RERE: variants seen among roughly 807,000 people sequenced by gnomAD.
The protein encoded by RERE is arginine-glutamic acid dipeptide repeats protein.
A neutral mutation model predicts 146.1 loss-of-function variants in RERE; 40 were observed. The ratio of observed to expected loss-of-function variants is 0.27; its 90% CI spans 0.21 to 0.36. The LOEUF (loss-of-function observed/expected upper bound fraction) is 0.36, where lower values mean the gene tolerates loss of function less well. Ranked by LOEUF, RERE falls within the 10% of genes least tolerant of loss-of-function variation. The pLI is 1.00. For missense variants in RERE, 1,933 were observed against 2,138.7 expected (o/e 0.90, Z 1.90); for synonymous variants, 1,003 against 866.0 (o/e 1.16, Z -2.78).
intron 8 of RERE, among the ~76,000 whole-genome samples, chr1:8,499,894 C>G (rs1645106757): frequency 6.6e-6 from 1 of 152,096 alleles, no homozygotes; most frequent in Non-Finnish European, 1.5e-5. Flanking sequence ...CCGAGGCGGG[C>G]AGATCACCTG....
At chr1:8,399,070 T>C (rs1643157823) in intron 12 of RERE, among the ~76,000 whole-genome samples, 1 of 152,114 alleles carries the variant, frequency 6.6e-6, no homozygotes, top group Non-Finnish European at 1.5e-5. Flanking sequence ...TTCACCCATT[T>C]TTCTATTGAA....
intron 1 of RERE, among the ~76,000 whole-genome samples, chr1:8,762,555 G>C (rs1287195536): frequency 1.3e-5 from 2 of 151,876 alleles, no homozygotes; most frequent in Non-Finnish European, 2.9e-5. Flanking sequence ...TATTTTATTT[G>C]AAGACAAAAA....
intron 12 of RERE, among the ~76,000 whole-genome samples, chr1:8,385,968 TAAAAA>T (rs34493389): frequency 3.7e-3 from 35 of 9,464 alleles, no homozygotes; most frequent in African/African-American, 0.013. Context: ...GACTCCGTCT[TAAAAA>T]AAAAAAAAAA....
In RERE at chr1:8,614,840, T is replaced by C. The variant is rs555547147; in HGVS notation, c.397-154A>G. ...ATTTGTTCTACCACTAAAGTTAACC[T>C]TTTTGCATTAATCAAAGCTGTTACC... On this transcript the variant is annotated intron_variant, in intron 3 of 22. Transcript: ENST00000400908. Among the ~76,000 whole-genome samples, 7 of 152,340 alleles carry C rather than the reference T, an allele frequency of 4.6e-5. No individual in the cohort carries two copies. In the South Asian group the frequency reaches 1.4e-3, roughly 32 times the overall value.
At chr1:8,748,760 T>TA (rs1640473484) in intron 1 of RERE, among the ~76,000 whole-genome samples, 1 of 152,192 alleles carries the variant, frequency 6.6e-6, no homozygotes, top group Admixed American at 6.5e-5. Flanking sequence ...GGTGTGGACT[T>TA]TAAGCATTTC....
In RERE at chr1:8,400,527, T is replaced by C. The variant is rs548893628; in HGVS notation, c.1284+22200A>G. Among the ~76,000 whole-genome samples the C allele has an allele frequency of 3.4e-3, 520 of 152,290 alleles. 1 individual carries two copies. Among genetic ancestry groups the C allele is most frequent in the Middle Eastern group, 6.8e-3 (2 of 294 alleles). Reference sequence around the variant, plus strand: ...TTGGCCTCCCAAAGCACTGAGATTATAGGAGTGAGTCACCTCACCTGGCCA... The same window carrying C: ...TTGGCCTCCCAAAGCACTGAGATTACAGGAGTGAGTCACCTCACCTGGCCA... On this transcript the variant is annotated intron_variant, in intron 12 of 22. Coordinates refer to ENST00000400908, the MANE Select transcript of RERE (RefSeq NM_001042681.2).
At chr1:8,647,126 G>T (rs1223701495) in intron 2 of RERE, among the ~76,000 whole-genome samples, 1 of 152,166 alleles carries the variant, frequency 6.6e-6, no homozygotes, top group Non-Finnish European at 1.5e-5. Flanking sequence ...CTTGCTGTTG[G>T]ATGTGTGGCC....
intron 11 of RERE, among the ~76,000 whole-genome samples, chr1:8,437,064 A>T (rs1263595376): frequency 6.6e-6 from 1 of 152,212 alleles, no homozygotes; most frequent in African/African-American, 2.4e-5. Context: ...CCTAAAATAA[A>T]ACCACATAGG....
At chr1:8,614,517 G>GTATAAAATACT (rs1471591685) in intron 4 of RERE, 44 bp downstream of exon 4, 2 of 1,580,392 alleles carry the variant, frequency 1.3e-6, no homozygotes, top group Non-Finnish European at 1.7e-6. Flanking sequence ...ATACCCTATG[G>GTATAAAATACT]GATATAAAAT....
intron 12 of RERE, among the ~76,000 whole-genome samples, chr1:8,378,564 GAC>G (rs1642341841): frequency 6.6e-6 from 1 of 152,172 alleles, no homozygotes; most frequent in Non-Finnish European, 1.5e-5. Context: ...AAGAGATGAG[GAC>G]ACAGACACCC....
At chr1:8,604,541 G>A (rs1450119435) in intron 4 of RERE, among the ~76,000 whole-genome samples, 1 of 145,498 alleles carries the variant, frequency 6.9e-6, no homozygotes, top group Non-Finnish European at 1.5e-5. Flanking sequence ...GGAAGAGGAG[G>A]TACCAGTCAA....
intron 4 of RERE, among the ~76,000 whole-genome samples, chr1:8,596,556 G>A (rs1177120027): frequency 2.0e-5 from 3 of 152,074 alleles, no homozygotes; most frequent in African/African-American, 4.8e-5. Flanking sequence ...ACCCAGGCTG[G>A]GGTATAGTAG....
At chr1:8,709,167 G>A (rs1024105846) in intron 1 of RERE, among the ~76,000 whole-genome samples, 3 of 151,792 alleles carry the variant, frequency 2.0e-5, no homozygotes, top group African/African-American at 7.3e-5. Context: ...TGATCTGCCC[G>A]CCTTGGCTTC....
At chr1:8,511,236 C>CA (rs942007600) in intron 7 of RERE, among the ~76,000 whole-genome samples, 3 of 151,730 alleles carry the variant, frequency 2.0e-5, no homozygotes, top group African/African-American at 7.3e-5. Flanking sequence ...ACAAATGAGA[C>CA]AAAAAAATGT....
intron 12 of RERE, among the ~76,000 whole-genome samples, chr1:8,395,696 C>T (rs1643031505): frequency 6.6e-6 from 1 of 152,054 alleles, no homozygotes; most frequent in Admixed American, 6.5e-5. Flanking sequence ...AGGTTAATTT[C>T]CTAAATTCTT....
intron 1 of RERE, among the ~76,000 whole-genome samples, chr1:8,677,878 C>G (rs1638878929): frequency 6.6e-6 from 1 of 152,246 alleles, no homozygotes; most frequent in South Asian, 2.1e-4. Flanking sequence ...TTATTCACAT[C>G]TTTAGAATTC....
At chr1:8,414,356 C>T (rs577392648) in intron 12 of RERE, among the ~76,000 whole-genome samples, 3 of 152,052 alleles carry the variant, frequency 2.0e-5, no homozygotes, top group African/African-American at 7.2e-5. Flanking sequence ...AGCATGCTGG[C>T]CAACATGGTG....
intron 11 of RERE, among the ~76,000 whole-genome samples, chr1:8,457,104 G>A (rs1338942833): frequency 1.3e-5 from 2 of 152,172 alleles, no homozygotes; most frequent in African/African-American, 4.8e-5. Context: ...ATTTCAACTA[G>A]TGAGCTAAAA....
At chr1:8,600,281 T>C (rs776158803) in intron 4 of RERE, among the ~76,000 whole-genome samples, 10 of 152,222 alleles carry the variant, frequency 6.6e-5, no homozygotes, top group African/African-American at 2.4e-4. Context: ...TCTTAATTAG[T>C]GGCCTGAGAA....
Sources: allele counts gnomAD v4.1 joint callset (sites outside exome capture counted in the v4.1 genomes callset), GRCh38; gene constraint gnomAD v4.1.1; transcripts MANE v1.5; gene names NCBI Gene and HGNC (gene_info 2026-07-23, HGNC 2026-07-21).